TTBK1: variants seen among roughly 807,000 people sequenced by gnomAD.
TTBK1 encodes tau-tubulin kinase 1.
Under a neutral mutation model 108.5 loss-of-function variants are expected in TTBK1, and 34 were observed. That is an observed-to-expected ratio of 0.31 (90% CI 0.24 to 0.42). The LOEUF is 0.42. TTBK1 is among the 10% of genes least tolerant of loss of function. TTBK1 has a pLI of 1.00. For missense variants in TTBK1, 1,539 were observed against 1,826.0 expected (o/e 0.84, Z 2.86); for synonymous variants, 809 against 795.1 (o/e 1.02, Z -0.29).
At chr6:43,271,602 C>G in intron 13 of TTBK1, 1 of 985,260 alleles carries the variant, frequency 1.0e-6, no homozygotes, top group Non-Finnish European at 1.2e-6. Flanking sequence ...GCCTCAGGGC[C>G]CTGGCCCCTG....
At chr6:43,252,024 C>T (rs1777255211) in intron 2 of TTBK1, among the ~76,000 whole-genome samples, 1 of 151,848 alleles carries the variant, frequency 6.6e-6, no homozygotes, top group Non-Finnish European at 1.5e-5. Flanking sequence ...GGATAGGGGT[C>T]GCTCAGTCTA....
intron 6 of TTBK1, 133 bp from the exon 7 acceptor site, chr6:43,254,916 A>G: frequency 1.1e-6 from 1 of 922,238 alleles, no homozygotes; most frequent in Non-Finnish European, 1.8e-6. Flanking sequence ...TAGGACTGGA[A>G]GGTCAGAGAG....
At chr6:43,270,826 G>A (rs1777815991) in intron 13 of TTBK1, 1 of 985,354 alleles carries the variant, frequency 1.0e-6, no homozygotes, top group Non-Finnish European at 1.2e-6. Context: ...GATGACGTGA[G>A]AAACCATGTG....
At position 43,284,123 on chromosome 6, in the gene TTBK1, G is replaced by A; in HGVS notation, c.3383G>A (p.Gly1128Asp). 6.5e-7 allele frequency: 1 copy of A among 1,540,168 alleles called. No individual in the cohort carries two copies. Among genetic ancestry groups the A allele is most frequent in the Non-Finnish European group, 8.7e-7 (1 of 1,148,020 alleles). ...RRASETLSGTGSEEDTPASEP... is the reference protein window; with the variant it reads ...RRASETLSGTDSEEDTPASEP... ...GCCTCTGAGACCCTCTCAGGCACGG[G>A]CTCTGAGGAGGACACGCCCGCCTCT... Residue 1128 changes from glycine (G) to aspartate (D), a missense_variant, in exon 14 of 15, where the codon GGC (glycine) becomes GAC (aspartate). Transcript: ENST00000259750.
Position 43,271,525 on chromosome 6 carries a change from T to C in TTBK1, c.1986+8175T>C, listed in dbSNP as rs1777834582. On this transcript the variant is annotated intron_variant, in intron 13 of 14. Coordinates refer to ENST00000259750, the MANE Select transcript of TTBK1 (RefSeq NM_032538.3). ...TACTCTCATCCCAGCTTCACTCTTC[T>C]ACCCCTCTCTCCCTGTAACCTCTGC... 5.1e-6 allele frequency: 5 copies of C among 985,428 alleles called. No homozygotes were observed. The African/African-American group carries it at 8.7e-5, about 17-fold the overall frequency. 61.0% of individuals were successfully genotyped at this position (985,428 alleles called of 1,614,324 possible).
intron 13 of TTBK1, among the ~76,000 whole-genome samples, chr6:43,277,038 C>G (rs142116877): frequency 1.1e-3 from 168 of 152,276 alleles, no homozygotes; most frequent in South Asian, 7.9e-3. Context: ...GCTGGGCCCA[C>G]CAGGCCCAGT....
intron 13 of TTBK1, among the ~76,000 whole-genome samples, chr6:43,280,841 A>G (rs2150712417): frequency 6.6e-6 from 1 of 152,100 alleles, no homozygotes. Flanking sequence ...GCTGGTCTTG[A>G]AGGAAGGGTA....
chr6:43,262,632 G>A (rs373483604), intron 12 of TTBK1, among the ~76,000 whole-genome samples, 157 bp from the exon 13 acceptor site: 4 of 152,248 alleles, frequency 2.6e-5, no homozygotes, highest in Non-Finnish European at 5.9e-5. Flanking sequence ...AAGTGAGGTT[G>A]GAGGGTGACA....
At chr6:43,271,704 T>C (rs2841655) in intron 13 of TTBK1, 366,059 of 984,756 alleles carry the variant, frequency 0.37, 74,017 homozygotes, top group African/African-American at 0.78. Context: ...TCCACACCAT[T>C]CACATAAGCC....
Position 43,259,766 on chromosome 6 carries a change from G to T in TTBK1, c.1424+60G>T, listed in dbSNP as rs1342462632. The T allele has an allele frequency of 5.5e-6, 8 of 1,447,770 alleles. No homozygotes were observed. The highest frequency in any genetic ancestry group is 1.8e-6 in the Non-Finnish European group (2 of 1,090,340). 89.7% of individuals were successfully genotyped at this position (1,447,770 alleles called of 1,614,324 possible). Reference sequence around the variant, plus strand: ...AGGCCCTCTCCGCCTTCACGTGGCTGGTCTGGAGGAAAAGTTAGATGTGTG... The same window carrying T: ...AGGCCCTCTCCGCCTTCACGTGGCTTGTCTGGAGGAAAAGTTAGATGTGTG... On this transcript the variant is annotated intron_variant, in intron 12 of 14. Coordinates refer to ENST00000259750, the MANE Select transcript of TTBK1 (RefSeq NM_032538.3). The surrounding 1 kb of genome is among the most constrained non-coding windows in gnomAD (Gnocchi z 6.7).
Position 43,259,253 on chromosome 6 carries a change from G to A in TTBK1, c.1232G>A (p.Arg411Gln), listed in dbSNP as rs781366590. The A allele has an allele frequency of 1.7e-5, 27 of 1,555,464 alleles. No homozygotes were observed. Among genetic ancestry groups the A allele is most frequent in the East Asian group, 4.5e-5 (2 of 44,048 alleles). Residue 411 changes from arginine to glutamine, a missense_variant, in exon 11 of 15, where the codon CGG becomes CAG. Coordinates refer to ENST00000259750, the MANE Select transcript of TTBK1 (RefSeq NM_032538.3). This position sits in a 1 kb window ranked among gnomAD's most constrained non-coding sequence, Gnocchi z 6.7. ...ACAGATGTCAACCGGAACAAACTCC[G>A]GATCAACATCGGCAAAGTAACTGCC... Reference protein sequence around the residue: ...EETDVNRNKLRINIGKSPCVE... With the variant: ...EETDVNRNKLQINIGKSPCVE...
chr6:43,271,175 G>A (rs995074357), intron 13 of TTBK1: 11 of 985,378 alleles, frequency 1.1e-5, no homozygotes, highest in Middle Eastern at 5.2e-4. Context: ...AGAAAGGGCC[G>A]TGCCTGTATG....
chr6:43,271,738 C>T, intron 13 of TTBK1: 6 of 983,366 alleles, frequency 6.1e-6, no homozygotes, highest in East Asian at 1.1e-4. Flanking sequence ...ACACTCCTTT[C>T]CCCAAAATCT....
At position 43,255,607 on chromosome 6, in the gene TTBK1, C is replaced by A; in HGVS notation, c.698C>A (p.Ala233Glu). The A allele has an allele frequency of 6.2e-7, 1 of 1,613,972 alleles. No individual in the cohort carries two copies. ...CTCTTCTACATGCTGGTGGAGTTTG[C>A]AGTGGGCCAGCTGCCCTGGAGGAAG... ...WSLFYMLVEF[A>E]VGQLPWRKIK... The change falls in exon 8 of 15, where the codon GCA (alanine) becomes GAA (glutamate). Residue 233 changes from alanine (A) to glutamate (E), a missense_variant. Coordinates refer to ENST00000259750, the MANE Select transcript of TTBK1 (RefSeq NM_032538.3).
At chr6:43,256,683 GAGCTA>G (rs148127240) in intron 9 of TTBK1, among the ~76,000 whole-genome samples, 8,933 of 152,208 alleles carry the variant, frequency 0.059, 330 homozygotes, top group Admixed American at 0.084. Flanking sequence ...AGGTTGCAGT[GAGCTA>G]AGATTAAACC....
Position 43,282,933 on chromosome 6 carries a change from G to A in TTBK1, c.2193G>A (p.Gly731=), listed in dbSNP as rs1339721404. The change falls in exon 14 of 15, where the codon GGG becomes GGA. Residue 731 remains glycine (G), a synonymous_variant. Coordinates refer to ENST00000259750, the MANE Select transcript of TTBK1 (RefSeq NM_032538.3). This position sits in a 1 kb window ranked among gnomAD's most constrained non-coding sequence, Gnocchi z 5.4. ...CTCCTGTTCAGCCTCAGGCTAATGG[G>A]AAGGAGGAAGAGGAGGAGGAGGAGG... ...PLAPVQPQAN[G]KEEEEEEEED... 1.5e-5 allele frequency: 25 copies of A among 1,613,928 alleles called. No individual in the cohort carries two copies. Among genetic ancestry groups the A allele is most frequent in the Non-Finnish European group, 1.9e-5 (23 of 1,179,916 alleles).
At chr6:43,254,679 G>A (rs771942917) in intron 6 of TTBK1, 28 bp downstream of exon 6, 3 of 1,512,204 alleles carry the variant, frequency 2.0e-6, no homozygotes, top group South Asian at 1.3e-5. Context: ...GGGGAGGACA[G>A]TGGAGGACTC....
chr6:43,281,718 A>C (rs1778168308), intron 13 of TTBK1, among the ~76,000 whole-genome samples: 1 of 152,166 alleles, frequency 6.6e-6, no homozygotes, highest in Non-Finnish European at 1.5e-5. Flanking sequence ...GCTTAGGAAG[A>C]CAGAAGCCCA....
rs528497472 is a variant in TTBK1 at position 43,246,865 on chromosome 6, TAA to T, written c.108+98_108+99del. On this transcript the variant is annotated intron_variant, in intron 2 of 14. Coordinates refer to ENST00000259750, the MANE Select transcript of TTBK1 (RefSeq NM_032538.3). ...ACCGGTGCCCTCCGCTCCCCTACCC[TAA>T]GAGGGAGGTGCCTCTAAGCTCATTT... 5.7e-4 allele frequency: 529 copies of T among 922,998 alleles called. 1 individual carries two copies. Among genetic ancestry groups the T allele is most frequent in the Non-Finnish European group, 8.2e-4 (500 of 611,404 alleles). 57.2% of individuals were successfully genotyped at this position (922,998 alleles called of 1,614,324 possible). A position where few individuals can be genotyped will look rare whatever the true frequency, so the allele number is the denominator to read the frequency against.
Sources: allele counts gnomAD v4.1 joint callset (sites outside exome capture counted in the v4.1 genomes callset), GRCh38; gene constraint gnomAD v4.1.1; non-coding constraint Gnocchi (gnomAD v3.1); transcripts MANE v1.5; gene names NCBI Gene and HGNC (gene_info 2026-07-23, HGNC 2026-07-21).